USH2A: variants seen among roughly 807,000 people sequenced by gnomAD.
USH2A encodes the protein usherin, also known as Usher syndrome 2A (autosomal recessive, mild).
In USH2A, 443 loss-of-function variants were observed where a neutral mutation model predicts 538.9. The ratio of observed to expected loss-of-function variants is 0.82; its 90% confidence interval spans 0.76 to 0.89. The LOEUF is 0.89. Among genes scored for constraint, USH2A ranks in the 40% least tolerant of loss-of-function variants. The pLI is 0.00. For missense variants in USH2A, 6,633 were observed against 6,324.8 expected (o/e 1.05, Z -1.65); for synonymous variants, 2,413 against 2,273.5 (o/e 1.06, Z -1.75).
At chr1:215,755,537 AT>A (rs1660766597) in intron 58 of USH2A, among the ~76,000 whole-genome samples, 1 of 152,302 alleles carries the variant, frequency 6.6e-6, no homozygotes, top group Non-Finnish European at 1.5e-5. Flanking sequence ...ACAAGTCAAA[AT>A]CATCTGACTG....
At chr1:215,998,860 C>A (rs372659177) in intron 34 of USH2A, 27 bp downstream of exon 34, 1 of 1,606,786 alleles carries the variant, frequency 6.2e-7, no homozygotes, top group Non-Finnish European at 8.5e-7. Context: ...GGAATGGGGA[C>A]AGAGAAAGTG....
At position 216,325,614 on chromosome 1, in the gene USH2A, A is replaced by T. The variant is rs1446708936; in HGVS notation, c.849-15T>A. The T allele has an allele frequency of 6.2e-7, 1 of 1,611,448 alleles. No homozygotes were observed. Among genetic ancestry groups the T allele is most frequent in the Non-Finnish European group, 8.5e-7 (1 of 1,179,072 alleles). On this transcript the variant is annotated splice_polypyrimidine_tract_variant and intron_variant, in intron 5 of 71. Transcript: ENST00000307340. ...CCAGAATCTCTCTGTGGGAGTCAAGAGGGAGACTGTAAGGACAAAGAGCTT... is the reference window on the plus strand; with the variant it reads ...CCAGAATCTCTCTGTGGGAGTCAAGTGGGAGACTGTAAGGACAAAGAGCTT...
chr1:215,862,760 C>T (rs1664353661), intron 44 of USH2A, among the ~76,000 whole-genome samples: 1 of 152,000 alleles, frequency 6.6e-6, no homozygotes, highest in Admixed American at 6.6e-5. Context: ...TTCATTTAGT[C>T]CTTAACAGAT....
At chr1:216,301,913 T>C (rs1210343626) in intron 9 of USH2A, among the ~76,000 whole-genome samples, 2 of 152,210 alleles carry the variant, frequency 1.3e-5, no homozygotes, top group African/African-American at 4.8e-5. Context: ...CCTCCGGCTC[T>C]ATTCAAGGCT....
At chr1:215,956,027 T>C (rs75946139) in intron 37 of USH2A, among the ~76,000 whole-genome samples, 22,329 of 152,136 alleles carry the variant, frequency 0.15, 1,859 homozygotes, top group African/African-American at 0.22. Context: ...CCCAGATGGC[T>C]AGATTTTTTT....
chr1:216,179,304 T>A (rs1328600644), intron 20 of USH2A, among the ~76,000 whole-genome samples: 1 of 150,214 alleles, frequency 6.7e-6, no homozygotes, highest in African/African-American at 2.5e-5. Flanking sequence ...TAGAGCACAC[T>A]TTTTTTTTAA....
chr1:216,242,186 C>CT (rs1360616836), intron 13 of USH2A, among the ~76,000 whole-genome samples: 6 of 14,954 alleles, frequency 4.0e-4, no homozygotes, highest in African/African-American at 7.2e-4. Context: ...CCCATCTCTG[C>CT]TTTAAAAAAA....
chr1:216,404,769 C>G (rs2039364812), intron 3 of USH2A, among the ~76,000 whole-genome samples: 1 of 152,014 alleles, frequency 6.6e-6, no homozygotes, highest in Non-Finnish European at 1.5e-5. Context: ...TACAGGTGCA[C>G]TCCACTATGC....
chr1:216,264,036 A>C (rs1553323077), intron 11 of USH2A, among the ~76,000 whole-genome samples: 1 of 152,180 alleles, frequency 6.6e-6, no homozygotes. Context: ...ATACTGAGGA[A>C]TAAATGTAAC....
chr1:215,858,381 T>C (rs1664226622), intron 44 of USH2A, among the ~76,000 whole-genome samples: 1 of 151,454 alleles, frequency 6.6e-6, no homozygotes, highest in Admixed American at 6.6e-5. Context: ...GGGAGGTGAT[T>C]GGATTACGGG....
At chr1:215,721,829 C>T (rs938417974) in intron 61 of USH2A, among the ~76,000 whole-genome samples, 6 of 152,158 alleles carry the variant, frequency 3.9e-5, no homozygotes, top group African/African-American at 9.6e-5. Flanking sequence ...TTTGGGACGC[C>T]GCAGCGGGAG....
At chr1:216,159,175 C>T (rs988755397) in intron 21 of USH2A, among the ~76,000 whole-genome samples, 1 of 151,978 alleles carries the variant, frequency 6.6e-6, no homozygotes, top group Non-Finnish European at 1.5e-5. Flanking sequence ...ATACCTAATA[C>T]TTATTTATTT....
At chr1:215,695,048 A>G (rs914233236) in intron 61 of USH2A, among the ~76,000 whole-genome samples, 6 of 152,224 alleles carry the variant, frequency 3.9e-5, no homozygotes, top group African/African-American at 1.4e-4. Flanking sequence ...GATTATTATA[A>G]TTTACCAAAT....
intron 40 of USH2A, among the ~76,000 whole-genome samples, chr1:215,899,152 T>C (rs1665426856): frequency 2.6e-5 from 4 of 152,144 alleles, no homozygotes; most frequent in Admixed American, 6.5e-5. Context: ...AATAAAACAA[T>C]ACATTTAATA....
chr1:216,260,312 A>G (rs571133939), intron 11 of USH2A, among the ~76,000 whole-genome samples: 5 of 152,310 alleles, frequency 3.3e-5, no homozygotes, highest in East Asian at 1.9e-4. Flanking sequence ...TTGGATTCCT[A>G]AAACATGAAA....
chr1:216,082,996 C>T (rs1167859828), intron 26 of USH2A, among the ~76,000 whole-genome samples: 2 of 151,910 alleles, frequency 1.3e-5, no homozygotes, highest in Non-Finnish European at 2.9e-5. Context: ...GAGATGGAAA[C>T]AAGATAGGAA....
intron 4 of USH2A, among the ~76,000 whole-genome samples, chr1:216,345,064 C>CA (rs1214114389): frequency 1.1e-4 from 16 of 151,966 alleles, no homozygotes; most frequent in African/African-American, 3.9e-4. Context: ...CAGATCCCTT[C>CA]AAGCGGCAGC....
chr1:216,414,067 G>T (rs2039536878), intron 3 of USH2A, among the ~76,000 whole-genome samples: 1 of 151,976 alleles, frequency 6.6e-6, no homozygotes, highest in Non-Finnish European at 1.5e-5. Flanking sequence ...ACTTTTATAA[G>T]AGTAACCAAA....
intron 37 of USH2A, among the ~76,000 whole-genome samples, chr1:215,960,022 C>G (rs946884889): frequency 2.0e-5 from 3 of 152,138 alleles, no homozygotes; most frequent in African/African-American, 7.2e-5. Context: ...CTACTAAGTA[C>G]AGGATCAGTG....
Sources: allele counts gnomAD v4.1 joint callset (sites outside exome capture counted in the v4.1 genomes callset), GRCh38; gene constraint gnomAD v4.1.1; transcripts MANE v1.5; gene names NCBI Gene and HGNC (gene_info 2026-07-23, HGNC 2026-07-21).